DCHS2: variants seen among roughly 807,000 people sequenced by gnomAD.
The protein encoded by DCHS2 is dachsous cadherin-related 2.
Under a neutral mutation model 182.4 loss-of-function variants are expected in DCHS2, and 142 were observed. The observed-to-expected ratio is 0.78, with a 90% CI of 0.68 to 0.89. DCHS2 has a LOEUF of 0.89. Among genes scored for constraint, DCHS2 ranks in the 40% least tolerant of loss-of-function variants. The pLI is 0.00. For synonymous variants in DCHS2, 1,740 were observed against 1,663.3 expected, an observed-to-expected ratio of 1.05 and a Z score of -1.12; for missense variants, 4,319 against 4,198.6, an observed-to-expected ratio of 1.03 and a Z score of -0.79.
intron 1 of DCHS2, among the ~76,000 whole-genome samples, chr4:154,396,177 C>G (rs906086910): frequency 1.4e-5 from 2 of 144,348 alleles, no homozygotes; most frequent in African/African-American, 5.1e-5. Flanking sequence ...CTTCCTTGTT[C>G]AATACTTTAT....
Position 154,366,366 on chromosome 4 carries a change from A to T in DCHS2, c.2320T>A (p.Ser774Thr). ...TCACTGATGCTCGTCACATAGGTTG[A>T]TGGGTTAAACACAGGATGATTATCA... ...VNDNHPVFNPSTYVTSISDET... is the reference protein window; with the variant it reads ...VNDNHPVFNPTTYVTSISDET... The change falls in exon 3 of 20, where the codon TCA (serine) becomes ACA (threonine). Residue 774 changes from serine (S) to threonine (T), a missense_variant. Coordinates refer to ENST00000357232, the MANE Select transcript of DCHS2 (RefSeq NM_001358235.2). 6.2e-7 allele frequency: 1 copy of T among 1,613,966 alleles called. No individual in the cohort carries two copies.
At chr4:154,384,235 C>G (rs886756168) in intron 1 of DCHS2, 36 of 1,386,780 alleles carry the variant, frequency 2.6e-5, no homozygotes, top group Non-Finnish European at 3.4e-5. Flanking sequence ...GTCTAATGAT[C>G]GAGGCTTGAT....
intron 1 of DCHS2, among the ~76,000 whole-genome samples, chr4:154,380,645 C>T (rs1731126605): frequency 6.6e-6 from 1 of 152,024 alleles, no homozygotes; most frequent in Non-Finnish European, 1.5e-5. Flanking sequence ...GGACTTTTGG[C>T]AAAGCAAAAT....
intron 1 of DCHS2, among the ~76,000 whole-genome samples, chr4:154,416,027 A>C (rs967828199): frequency 6.6e-6 from 1 of 152,174 alleles, no homozygotes; most frequent in Non-Finnish European, 1.5e-5. Context: ...GTGGTTTATA[A>C]GGAAATAAAC....
At chr4:154,351,494 G>A (rs1729607748) in intron 3 of DCHS2, among the ~76,000 whole-genome samples, 1 of 152,080 alleles carries the variant, frequency 6.6e-6, no homozygotes, top group Admixed American at 6.6e-5. Flanking sequence ...GAAAAATGCT[G>A]CCTTCATAAA....
At position 154,239,274 on chromosome 4, in the gene DCHS2, C is replaced by T. The variant is rs530617599; in HGVS notation, c.7388G>A (p.Gly2463Glu). The T allele has an allele frequency of 6.2e-7, 1 of 1,613,020 alleles. No individual in the cohort carries two copies. Among genetic ancestry groups the T allele is most frequent in the Non-Finnish European group, 8.5e-7 (1 of 1,179,610 alleles). ...QVTVPESIPV[G>E]YSVLTLSATD... ...GGCTGACAGAGTCAGCACTGAATAC[C>T]CCACAGGTATTGATTCAGGAACTGT... Residue 2463 changes from glycine to glutamate, a missense_variant, in exon 19 of 20, where the codon GGG (glycine) becomes GAG (glutamate). Gly to Glu is a moderately conservative substitution (Grantham distance 98). Transcript: ENST00000357232.
At chr4:154,248,448 C>A (rs1412984113) in intron 16 of DCHS2, among the ~76,000 whole-genome samples, 3 of 152,018 alleles carry the variant, frequency 2.0e-5, no homozygotes, top group South Asian at 4.2e-4. Flanking sequence ...AGGGCTTTAG[C>A]CTTGGGAGAG....
chr4:154,397,253 T>A (rs1184562536), intron 1 of DCHS2, among the ~76,000 whole-genome samples: 3 of 152,190 alleles, frequency 2.0e-5, no homozygotes, highest in Non-Finnish European at 2.9e-5. Flanking sequence ...CTTACATATT[T>A]GTCAAAATCT....
intron 1 of DCHS2, among the ~76,000 whole-genome samples, chr4:154,463,456 T>C (rs557102111): frequency 2.6e-5 from 4 of 152,132 alleles, no homozygotes; most frequent in Non-Finnish European, 5.9e-5. Context: ...ATACCAAGCC[T>C]GACATATTTT....
chr4:154,431,886 C>T (rs1410693349), intron 1 of DCHS2, among the ~76,000 whole-genome samples: 1 of 152,108 alleles, frequency 6.6e-6, no homozygotes, highest in African/African-American at 2.4e-5. Context: ...TTCCAATGAA[C>T]ATTTAAAAAA....
rs149861940 is a variant in DCHS2 at position 154,298,637 on chromosome 4, G to A, written c.5677C>T (p.Arg1893Trp). 6.8e-5 allele frequency: 109 copies of A among 1,613,662 alleles called. No individual in the cohort carries two copies. Among genetic ancestry groups the A allele is most frequent in the African/African-American group, 3.1e-4 (23 of 75,010 alleles). ...AGGGTAAAATTGCTGATTTGCTCCC[G>A]GTCCAAAGCACGAGTGGTTGAGAGT... ...GELSTTRALD[R>W]EQISNFTLVI... Residue 1893 changes from arginine to tryptophan, a missense_variant, in exon 13 of 20, where the codon CGG becomes TGG. Physicochemically the swap from Arg to Trp is moderately radical, Grantham distance 101. Transcript: ENST00000357232.
chr4:154,398,294 G>C (rs1383544320), intron 1 of DCHS2, among the ~76,000 whole-genome samples: 1 of 152,214 alleles, frequency 6.6e-6, no homozygotes, highest in Non-Finnish European at 1.5e-5. Context: ...GGTTCACCAT[G>C]TACAAACTTT....
At chr4:154,285,537 C>A (rs1226091506) in intron 13 of DCHS2, among the ~76,000 whole-genome samples, 1 of 152,138 alleles carries the variant, frequency 6.6e-6, no homozygotes, top group African/African-American at 2.4e-5. Context: ...TGGCAATATT[C>A]ATCACAAGCT....
intron 12 of DCHS2, among the ~76,000 whole-genome samples, chr4:154,304,128 C>T (rs1382160431): frequency 6.6e-6 from 1 of 151,198 alleles, no homozygotes; most frequent in East Asian, 1.9e-4. Flanking sequence ...GAGCCATTGG[C>T]ATCCCAGTGG....
Position 154,333,378 on chromosome 4 carries a change from G to T in DCHS2, c.2830C>A (p.Pro944Thr). ...GCCTGCACCGTGAGCACAACCACGG[G>T]CTGCGTCTCGTGATCCAGGGGCTTC... ...TRKPLDHETQ[P>T]VVVLTVQAQL... The change falls in exon 5 of 20, where the codon CCC becomes ACC. Residue 944 changes from proline (P) to threonine (T), a missense_variant. Pro to Thr is a conservative substitution (Grantham distance 38, BLOSUM62 -1). Coordinates refer to ENST00000357232, the MANE Select transcript of DCHS2 (RefSeq NM_001358235.2). 6.2e-7 allele frequency: 1 copy of T among 1,614,162 alleles called. No homozygotes were observed. Among genetic ancestry groups the T allele is most frequent in the Non-Finnish European group, 8.5e-7 (1 of 1,180,040 alleles).
intron 16 of DCHS2, among the ~76,000 whole-genome samples, chr4:154,246,473 G>T (rs1280792400): frequency 6.6e-6 from 1 of 152,036 alleles, no homozygotes; most frequent in Non-Finnish European, 1.5e-5. Context: ...CCCACTCAGA[G>T]GTTCTAATGA....
intron 16 of DCHS2, among the ~76,000 whole-genome samples, chr4:154,244,286 G>C (rs1016531410): frequency 3.3e-5 from 5 of 152,296 alleles, no homozygotes; most frequent in African/African-American, 1.2e-4. Context: ...TTATATGACA[G>C]AGCTGGGATT....
intron 6 of DCHS2, 106 bp from the exon 7 acceptor site, chr4:154,328,298 T>G: frequency 2.7e-6 from 2 of 728,280 alleles, no homozygotes; most frequent in Non-Finnish European, 2.2e-6. Context: ...TTTTAAACTA[T>G]CTTAAAATCC....
chr4:154,396,955 A>G (rs563201780), intron 1 of DCHS2, among the ~76,000 whole-genome samples: 1 of 152,244 alleles, frequency 6.6e-6, no homozygotes, highest in South Asian at 2.1e-4. Context: ...TCCTGATATA[A>G]CTTCTTCAAA....
Sources: gnomAD v4.1 joint callset for allele counts (sites outside exome capture counted in the v4.1 genomes callset) on GRCh38, gnomAD v4.1.1 for gene constraint, MANE v1.5 for transcripts, NCBI Gene and HGNC (gene_info 2026-07-23, HGNC 2026-07-21) for gene names.